SEM1: variants seen among roughly 807,000 people sequenced by gnomAD.
The protein encoded by SEM1 is SEM1 26S proteasome subunit, also known as 26S proteasome complex subunit SEM1.
SEM1 carries 3 observed loss-of-function variants against 12.7 expected under a neutral mutation model. The observed-to-expected ratio is 0.24, with a 90% CI of 0.11 to 0.61. The LOEUF (loss-of-function observed/expected upper bound fraction) is 0.61. SEM1 is among the 20% of genes least tolerant of loss of function. The pLI is 0.88. For missense variants in SEM1, 59 were observed against 81.3 expected (o/e 0.73, Z 1.06); for synonymous variants, 30 against 27.8 (o/e 1.08, Z -0.25).
intron 2 of SEM1, among the ~76,000 whole-genome samples, chr7:96,559,571 G>A (rs1160174556): frequency 6.6e-6 from 1 of 152,204 alleles, no homozygotes; most frequent in African/African-American, 2.4e-5. Context: ...ACTGCACCTG[G>A]CCCAAATGAA....
intron 1 of SEM1, among the ~76,000 whole-genome samples, chr7:96,705,948 A>T (rs1239312563): frequency 6.6e-6 from 1 of 152,190 alleles, no homozygotes; most frequent in East Asian, 1.9e-4. Flanking sequence ...CCGGTCCTAG[A>T]ATTCTAACCA....
At chr7:96,609,359 C>T (rs570256269) in intron 2 of SEM1, among the ~76,000 whole-genome samples, 18 of 152,258 alleles carry the variant, frequency 1.2e-4, no homozygotes, top group African/African-American at 4.1e-4. Flanking sequence ...GTCAAAGCCC[C>T]TCCCCATACC....
intron 2 of SEM1, among the ~76,000 whole-genome samples, chr7:96,563,819 C>T (rs916773079): frequency 2.0e-5 from 3 of 152,054 alleles, no homozygotes; most frequent in East Asian, 3.9e-4. Flanking sequence ...TAATACTCAC[C>T]TTCTTGTATA....
chr7:96,698,875 C>T (rs1584871712), intron 1 of SEM1, among the ~76,000 whole-genome samples: 1 of 152,190 alleles, frequency 6.6e-6, no homozygotes, highest in East Asian at 1.9e-4. Flanking sequence ...AATTTACACT[C>T]CCACCAACAG....
At chr7:96,645,969 T>C (rs1331646711) in intron 2 of SEM1, 1 of 397,818 alleles carries the variant, frequency 2.5e-6, no homozygotes, top group Non-Finnish European at 4.4e-6. Context: ...TCCATGAATA[T>C]TTAGTCATGT....
intron 2 of SEM1, among the ~76,000 whole-genome samples, chr7:96,558,471 A>C (rs534444576): frequency 1.3e-5 from 2 of 152,296 alleles, no homozygotes; most frequent in African/African-American, 4.8e-5. Context: ...AAAGTAGTAA[A>C]CTTAGATCAG....
chr7:96,676,482 G>A (rs970170370), intron 2 of SEM1, among the ~76,000 whole-genome samples: 1 of 152,098 alleles, frequency 6.6e-6, no homozygotes, highest in Non-Finnish European at 1.5e-5. Flanking sequence ...TAAAATATAT[G>A]TATAAATATT....
At chr7:96,552,158 GCTACCATTTAA>G (rs1805300208) in intron 2 of SEM1, among the ~76,000 whole-genome samples, 2 of 151,688 alleles carry the variant, frequency 1.3e-5, no homozygotes, top group South Asian at 4.2e-4. Context: ...GGGAGCTGGG[GCTACCATTTAA>G]CTACACTTCC....
At chr7:96,644,083 TCTGGCTTGTTCTCTGGGGCTTGCTTTA>T (rs1808708826) in intron 2 of SEM1, among the ~76,000 whole-genome samples, 1 of 152,028 alleles carries the variant, frequency 6.6e-6, no homozygotes, top group East Asian at 1.9e-4. Flanking sequence ...ACTGGCTTGT[TCTGGCTTGTTCTCTGGGGCTTGCTTTA>T]CTGGCTTGTT....
chr7:96,612,024 G>C (rs1401476770), intron 2 of SEM1, among the ~76,000 whole-genome samples: 2 of 151,974 alleles, frequency 1.3e-5, no homozygotes, highest in Non-Finnish European at 2.9e-5. Flanking sequence ...ATAATTTCTA[G>C]CATATCTCTA....
At chr7:96,538,105 T>A (rs1472928446) in intron 2 of SEM1, among the ~76,000 whole-genome samples, 5 of 151,862 alleles carry the variant, frequency 3.3e-5, no homozygotes, top group African/African-American at 1.2e-4. Flanking sequence ...TCAGAGACAC[T>A]TATAATTTCT....
At chr7:96,515,165 G>A (rs1369741820) in intron 2 of SEM1, among the ~76,000 whole-genome samples, 2 of 152,058 alleles carry the variant, frequency 1.3e-5, no homozygotes, top group Non-Finnish European at 2.9e-5. Context: ...AACAAATGGT[G>A]CCAGAACAAC....
chr7:96,589,807 G>T (rs1385344482), intron 2 of SEM1, among the ~76,000 whole-genome samples: 3 of 152,124 alleles, frequency 2.0e-5, no homozygotes, highest in Non-Finnish European at 4.4e-5. Flanking sequence ...CTCAAACTGA[G>T]CTAATTTTAA....
downstream of SEM1, among the ~76,000 whole-genome samples, chr7:96,672,026 C>G (rs924944675): frequency 3.3e-5 from 5 of 152,200 alleles, no homozygotes; most frequent in African/African-American, 1.2e-4. Context: ...TGTGCCTGCT[C>G]TTAGGTCAGT....
chr7:96,639,002 G>A (rs918026775), intron 2 of SEM1, among the ~76,000 whole-genome samples: 1 of 151,902 alleles, frequency 6.6e-6, no homozygotes, highest in African/African-American at 2.4e-5. Flanking sequence ...TTATTCTTGT[G>A]AAAATTGAAT....
chr7:96,604,999 A>T (rs1807302960), intron 2 of SEM1, among the ~76,000 whole-genome samples: 1 of 152,154 alleles, frequency 6.6e-6, no homozygotes, highest in African/African-American at 2.4e-5. Context: ...CAAGATTGCC[A>T]TGGTGAGGCT....
In SEM1 at chr7:96,588,555, T is replaced by C. The variant is rs149191884; in HGVS notation, c.171-81857A>G. On this transcript the variant is annotated intron_variant and NMD_transcript_variant, in intron 2 of 3. Transcript: ENST00000466986. ...ACCACTACTCTCTTTTCTTTCCATT[T>C]TGAACTCTATGTATTTAAATAATAA... Among the ~76,000 whole-genome samples the C allele has an allele frequency of 1.3e-4, 20 of 152,290 alleles. No homozygotes were observed. The East Asian group carries it at 3.5e-3, about 26-fold the overall frequency.
At chr7:96,585,686 C>G (rs1439269025) in intron 2 of SEM1, among the ~76,000 whole-genome samples, 1 of 152,190 alleles carries the variant, frequency 6.6e-6, no homozygotes, top group African/African-American at 2.4e-5. Flanking sequence ...GTTTTTTAAG[C>G]CCGTCGGAAA....
intron 2 of SEM1, among the ~76,000 whole-genome samples, chr7:96,678,009 T>C (rs1789500732): frequency 6.6e-6 from 1 of 152,220 alleles, no homozygotes. Flanking sequence ...TTTCAGTGAA[T>C]ACAATGCCTG....
Sources: gnomAD v4.1 joint callset for allele counts (sites outside exome capture counted in the v4.1 genomes callset) on GRCh38, gnomAD v4.1.1 for gene constraint, MANE v1.5 for transcripts, NCBI Gene and HGNC (gene_info 2026-07-23, HGNC 2026-07-21) for gene names.